The following NPAS3 variants were observed in gnomAD, a reference collection of about 807,000 sequenced individuals.
NPAS3 encodes neuronal PAS domain-containing protein 3.
A neutral mutation model predicts 73.1 loss-of-function variants in NPAS3; 14 were observed. That is an observed-to-expected ratio of 0.19 (90% CI 0.13 to 0.30). The LOEUF is 0.30. NPAS3 is among the 10% of genes least tolerant of loss of function. The probability of loss-of-function intolerance (pLI) is 1.00; values close to 1 mark genes in which losing one functional copy is unlikely to be tolerated. For synonymous variants in NPAS3, 620 were observed against 541.5 expected, an observed-to-expected ratio of 1.14 and a Z score of -2.01; for missense variants, 1,096 against 1,250.0, an observed-to-expected ratio of 0.88 and a Z score of 1.86.
At chr14:33,721,837 A>G (rs2061121619) in intron 6 of NPAS3, among the ~76,000 whole-genome samples, 1 of 152,198 alleles carries the variant, frequency 6.6e-6, no homozygotes. Context: ...ATTGAAAAAT[A>G]CGGAGAACTT....
chr14:32,962,667 A>G (rs1402816127), intron 1 of NPAS3, among the ~76,000 whole-genome samples: 1 of 146,514 alleles, frequency 6.8e-6, no homozygotes, highest in African/African-American at 2.5e-5. Flanking sequence ...GGTTCAAGCA[A>G]TTTTCCTGCC....
At chr14:33,032,598 G>T (rs2040031385) in intron 1 of NPAS3, among the ~76,000 whole-genome samples, 1 of 152,136 alleles carries the variant, frequency 6.6e-6, no homozygotes. Context: ...GACAGAGATG[G>T]TATGTAAGTA....
At chr14:33,028,535 A>G (rs1218788569) in intron 1 of NPAS3, among the ~76,000 whole-genome samples, 1 of 152,236 alleles carries the variant, frequency 6.6e-6, no homozygotes. Flanking sequence ...TTTCACTGTT[A>G]GACAATTTTG....
chr14:33,024,142 A>ATG (rs5807700), intron 1 of NPAS3, among the ~76,000 whole-genome samples: 11,100 of 143,136 alleles, frequency 0.078, 449 homozygotes, highest in African/African-American at 0.11. Context: ...GTGTGTGTAT[A>ATG]TGTGTGTGTG....
At chr14:33,232,521 T>C (rs2047889439) in intron 3 of NPAS3, among the ~76,000 whole-genome samples, 1 of 152,192 alleles carries the variant, frequency 6.6e-6, no homozygotes, top group African/African-American at 2.4e-5. Context: ...TATCTTTAGT[T>C]CTTTACTGAA....
At chr14:33,235,140 G>A (rs2047986116) in intron 3 of NPAS3, among the ~76,000 whole-genome samples, 1 of 151,986 alleles carries the variant, frequency 6.6e-6, no homozygotes, top group South Asian at 2.1e-4. Context: ...TAAAACAATT[G>A]TATTTGATGA....
At chr14:33,594,325 ATTTTCGATCTGTAG>A (rs917288968) in intron 5 of NPAS3, among the ~76,000 whole-genome samples, 6 of 152,170 alleles carry the variant, frequency 3.9e-5, no homozygotes, top group African/African-American at 1.4e-4. Context: ...TTCCCCAAAT[ATTTTCGATCTGTAG>A]TTGGTTGAAT....
intron 3 of NPAS3, among the ~76,000 whole-genome samples, chr14:33,350,804 T>C (rs959365816): frequency 6.6e-6 from 1 of 152,226 alleles, no homozygotes; most frequent in Non-Finnish European, 1.5e-5. Flanking sequence ...ATCCAAGTAA[T>C]CCGTACATAC....
intron 5 of NPAS3, among the ~76,000 whole-genome samples, chr14:33,577,713 T>C (rs1427283892): frequency 6.6e-6 from 1 of 152,218 alleles, no homozygotes; most frequent in Non-Finnish European, 1.5e-5. Context: ...TGATATTCTG[T>C]CTTCTCTAAA....
chr14:33,491,613 C>T (rs1255971343), intron 4 of NPAS3, among the ~76,000 whole-genome samples: 2 of 152,094 alleles, frequency 1.3e-5, no homozygotes, highest in East Asian at 3.9e-4. Context: ...GTATCATAAT[C>T]ACAAAACTTT....
intron 2 of NPAS3, among the ~76,000 whole-genome samples, chr14:33,121,737 G>C (rs945852401): frequency 6.6e-6 from 1 of 152,086 alleles, no homozygotes; most frequent in Non-Finnish European, 1.5e-5. Context: ...ACAGAAAGTA[G>C]GGTATGAAAA....
At chr14:33,554,829 A>C (rs1382945938) in intron 4 of NPAS3, among the ~76,000 whole-genome samples, 2 of 152,238 alleles carry the variant, frequency 1.3e-5, no homozygotes, top group South Asian at 2.1e-4. Context: ...TCCATTTAGC[A>C]CAATGCATTA....
intron 1 of NPAS3, among the ~76,000 whole-genome samples, chr14:33,002,247 T>A (rs2038834561): frequency 6.6e-6 from 1 of 152,186 alleles, no homozygotes; most frequent in Non-Finnish European, 1.5e-5. Flanking sequence ...ATATATCTCA[T>A]AATTTCCCAC....
intron 7 of NPAS3, among the ~76,000 whole-genome samples, chr14:33,756,055 G>T (rs1345049834): frequency 6.6e-6 from 1 of 152,114 alleles, no homozygotes; most frequent in Non-Finnish European, 1.5e-5. Flanking sequence ...CAACATTGAG[G>T]ATCTAATTTC....
chr14:33,663,733 G>T (rs1243505085), intron 5 of NPAS3, among the ~76,000 whole-genome samples: 1 of 152,092 alleles, frequency 6.6e-6, no homozygotes, highest in Admixed American at 6.5e-5. Flanking sequence ...CTTGTTATTG[G>T]TCTATTCAGG....
intron 3 of NPAS3, among the ~76,000 whole-genome samples, chr14:33,235,857 T>C (rs575904453): frequency 1.2e-4 from 16 of 129,992 alleles, no homozygotes; most frequent in African/African-American, 3.1e-4. Flanking sequence ...TGTCACATCA[T>C]AGTTCACGGC....
At chr14:33,166,514 C>T (rs1472916887) in intron 2 of NPAS3, among the ~76,000 whole-genome samples, 2 of 152,154 alleles carry the variant, frequency 1.3e-5, no homozygotes, top group Admixed American at 6.5e-5. Context: ...AGGCACTCTC[C>T]AAGGATCTTT....
chr14:33,621,909 GA>G (rs2039794004), intron 5 of NPAS3, among the ~76,000 whole-genome samples: 1 of 152,122 alleles, frequency 6.6e-6, no homozygotes, highest in Admixed American at 6.6e-5. Flanking sequence ...TTCTGTAATG[GA>G]GAGTAATTTG....
At chr14:33,684,410 CA>C (rs1724729981) in intron 6 of NPAS3, among the ~76,000 whole-genome samples, 1 of 152,038 alleles carries the variant, frequency 6.6e-6, no homozygotes, top group South Asian at 2.1e-4. Flanking sequence ...CTCTCGGGCT[CA>C]AGTGATTCTC....
Sources: allele counts gnomAD v4.1 joint callset (sites outside exome capture counted in the v4.1 genomes callset), GRCh38; gene constraint gnomAD v4.1.1; transcripts MANE v1.5; gene names NCBI Gene and HGNC (gene_info 2026-07-23, HGNC 2026-07-21).